PDE4D: variants seen among roughly 807,000 people sequenced by gnomAD.
The protein encoded by PDE4D is 3',5'-cyclic-AMP phosphodiesterase 4D.
A neutral mutation model predicts 87.4 loss-of-function variants in PDE4D; 24 were observed. The observed-to-expected ratio is 0.27, with a 90% CI of 0.20 to 0.39. The LOEUF is 0.39. Ranked by LOEUF, PDE4D falls within the 10% of genes least tolerant of loss-of-function variation. The pLI, the probability that PDE4D is intolerant of heterozygous loss-of-function variation, is 1.00. For missense variants in PDE4D, 714 were observed against 1,041.0 expected, an observed-to-expected ratio of 0.69 and a Z score of 4.32; for synonymous variants, 384 against 383.2, an observed-to-expected ratio of 1.00 and a Z score of -0.02.
intron 2 of PDE4D, among the ~76,000 whole-genome samples, chr5:60,122,889 C>T (rs1435423521): frequency 6.6e-6 from 1 of 152,198 alleles, no homozygotes; most frequent in Non-Finnish European, 1.5e-5. Context: ...TTTAACAGCA[C>T]TCAAGTCACC....
intron 1 of PDE4D, among the ~76,000 whole-genome samples, chr5:59,884,739 T>C (rs969775643): frequency 6.6e-6 from 1 of 152,156 alleles, no homozygotes; most frequent in Admixed American, 6.5e-5. Context: ...TCCTGATTTA[T>C]ACTTCCTGAT....
At chr5:59,140,053 A>G (rs1237999375) in intron 5 of PDE4D, among the ~76,000 whole-genome samples, 1 of 152,234 alleles carries the variant, frequency 6.6e-6, no homozygotes, top group Non-Finnish European at 1.5e-5. Flanking sequence ...TCCACCTAAG[A>G]GAGGAGTAGG....
intron 2 of PDE4D, among the ~76,000 whole-genome samples, chr5:60,098,422 T>C (rs1455644455): frequency 6.6e-6 from 1 of 151,920 alleles, no homozygotes; most frequent in Non-Finnish European, 1.5e-5. Context: ...AGACATAAAA[T>C]ATGTTTTCAT....
intron 1 of PDE4D, among the ~76,000 whole-genome samples, chr5:59,262,134 A>G (rs866758598): frequency 9.9e-5 from 15 of 151,956 alleles, no homozygotes; most frequent in Admixed American, 3.9e-4. Flanking sequence ...TGCCCTATAG[A>G]AATACTTCAG....
chr5:58,984,300 A>C (rs149433437), intron 11 of PDE4D, among the ~76,000 whole-genome samples: 1 of 152,280 alleles, frequency 6.6e-6, no homozygotes, highest in East Asian at 1.9e-4. Context: ...ACTTAGTACC[A>C]TCACATGCCA....
At chr5:60,203,591 C>T (rs1403975949) in intron 1 of PDE4D, among the ~76,000 whole-genome samples, 1 of 152,140 alleles carries the variant, frequency 6.6e-6, no homozygotes, top group Non-Finnish European at 1.5e-5. Context: ...ACAGCGAACA[C>T]GTGGGCTATT....
At chr5:59,665,647 T>C (rs757007648) in intron 1 of PDE4D, among the ~76,000 whole-genome samples, 2 of 152,208 alleles carry the variant, frequency 1.3e-5, no homozygotes, top group African/African-American at 2.4e-5. Flanking sequence ...ATCTGAACAT[T>C]GGCACCCTCC....
intron 13 of PDE4D, 144 bp downstream of exon 13, chr5:58,976,206 A>C: frequency 1.1e-6 from 1 of 870,122 alleles, no homozygotes; most frequent in Admixed American, 3.3e-5. Flanking sequence ...TCAGGAATAA[A>C]AATTTGGATA....
At chr5:59,112,451 G>A (rs567747941) in intron 5 of PDE4D, among the ~76,000 whole-genome samples, 2 of 152,286 alleles carry the variant, frequency 1.3e-5, no homozygotes, top group South Asian at 4.2e-4. Context: ...GCAGCAAGAG[G>A]AGATGCAGGG....
chr5:59,395,129 T>C (rs982111590), intron 1 of PDE4D, among the ~76,000 whole-genome samples: 1 of 151,728 alleles, frequency 6.6e-6, no homozygotes, highest in African/African-American at 2.4e-5. Context: ...GAGATCAAAC[T>C]GCAAGGCAGC....
chr5:59,693,071 C>T (rs912270677), intron 1 of PDE4D, among the ~76,000 whole-genome samples: 14 of 151,702 alleles, frequency 9.2e-5, no homozygotes, highest in African/African-American at 3.4e-4. Context: ...AGAATATTTG[C>T]TAATTTAAAA....
chr5:59,942,006 C>A (rs951390330), intron 3 of PDE4D, among the ~76,000 whole-genome samples: 2 of 152,164 alleles, frequency 1.3e-5, no homozygotes, highest in African/African-American at 2.4e-5. Context: ...AACCTTCCAG[C>A]TGGAGGGGAG....
intron 5 of PDE4D, among the ~76,000 whole-genome samples, chr5:59,042,175 A>G (rs1357525850): frequency 6.6e-6 from 1 of 152,252 alleles, no homozygotes; most frequent in Non-Finnish European, 1.5e-5. Flanking sequence ...TATTCTTGAT[A>G]TTAGCATAGA....
intron 1 of PDE4D, among the ~76,000 whole-genome samples, chr5:59,570,630 A>C (rs1434750290): frequency 1.5e-5 from 2 of 130,554 alleles, no homozygotes; most frequent in South Asian, 6.0e-4. Flanking sequence ...AGGAGTATAC[A>C]ATGTTGACAA....
intron 5 of PDE4D, among the ~76,000 whole-genome samples, chr5:59,082,085 G>A (rs1004901794): frequency 3.3e-5 from 5 of 152,106 alleles, no homozygotes; most frequent in African/African-American, 1.2e-4. Context: ...AGAACTGTGA[G>A]TCAATTAAAC....
intron 3 of PDE4D, among the ~76,000 whole-genome samples, chr5:59,971,505 A>G (rs1760768344): frequency 6.6e-6 from 1 of 152,160 alleles, no homozygotes; most frequent in Non-Finnish European, 1.5e-5. Context: ...TTATAATGTC[A>G]TGCACTTAAT....
At chr5:59,468,577 G>A (rs1030777158) in intron 1 of PDE4D, among the ~76,000 whole-genome samples, 8 of 152,230 alleles carry the variant, frequency 5.3e-5, no homozygotes, top group African/African-American at 1.9e-4. Context: ...AAGCCACCAA[G>A]GAATGACTGT....
intron 1 of PDE4D, among the ~76,000 whole-genome samples, chr5:60,424,538 T>G (rs1051781833): frequency 1.3e-5 from 2 of 152,174 alleles, no homozygotes; most frequent in African/African-American, 4.8e-5. Flanking sequence ...TATCTCCAAA[T>G]AGTAAGAGCA....
chr5:60,162,729 G>A (rs577784340), intron 2 of PDE4D, among the ~76,000 whole-genome samples: 1 of 151,842 alleles, frequency 6.6e-6, no homozygotes, highest in African/African-American at 2.4e-5. Context: ...TTATGTTAAT[G>A]CATATTAAAT....
Sources: gnomAD v4.1 joint callset for allele counts (sites outside exome capture counted in the v4.1 genomes callset) on GRCh38, gnomAD v4.1.1 for gene constraint, MANE v1.5 for transcripts, NCBI Gene and HGNC (gene_info 2026-07-23, HGNC 2026-07-21) for gene names.